Variants in WWC2 observed in about 807,000 individuals in gnomAD.
WWC2 encodes the protein protein WWC2.
A neutral mutation model predicts 138.5 loss-of-function variants in WWC2; 101 were observed. That is an observed-to-expected ratio of 0.73 (90% CI 0.62 to 0.86). The LOEUF (loss-of-function observed/expected upper bound fraction) is 0.86. WWC2 is among the 40% of genes least tolerant of loss of function. The pLI is 0.00. For missense variants in WWC2, 1,420 were observed against 1,419.4 expected, an observed-to-expected ratio of 1.00 and a Z score of -0.01; for synonymous variants, 558 against 538.4, an observed-to-expected ratio of 1.04 and a Z score of -0.50.
chr4:183,176,222 C>G (rs892645350), intron 1 of WWC2, among the ~76,000 whole-genome samples: 1 of 152,022 alleles, frequency 6.6e-6, no homozygotes, highest in Non-Finnish European at 1.5e-5. Context: ...AAAATTCAAT[C>G]GTATGTTTAA....
At position 183,296,933 on chromosome 4, in the gene WWC2, C is replaced by CAAAA. The variant is rs776211338; in HGVS notation, c.3384+7331_3384+7334dup. On this transcript the variant is annotated intron_variant, in intron 21 of 22. Transcript: ENST00000403733. ...TGGGCAACAGAGCGAGACTCCGTCT[C>CAAAA]AAAAAAAAAAAAAAAAAAAAAAAAA... Among the ~76,000 whole-genome samples, 24 of 70,756 alleles carry CAAAA rather than the reference C, an allele frequency of 3.4e-4. 2 individuals carry two copies. The highest frequency in any genetic ancestry group is 1.3e-3 in the African/African-American group (20 of 15,960). 46.4% of individuals were successfully genotyped at this position (70,756 alleles called of 152,430 possible).
intron 1 of WWC2, among the ~76,000 whole-genome samples, chr4:183,156,457 A>T (rs967863094): frequency 1.0e-4 from 15 of 150,664 alleles, no homozygotes; most frequent in Admixed American, 4.6e-4. Context: ...TCAGCCTCCC[A>T]AGTAGCTGGG....
chr4:183,252,482 A>T (rs1737010088), intron 8 of WWC2, among the ~76,000 whole-genome samples: 1 of 152,154 alleles, frequency 6.6e-6, no homozygotes, highest in South Asian at 2.1e-4. Flanking sequence ...TGTTAACTCT[A>T]CCATGTGTTA....
chr4:183,259,506 C>T (rs2111353847), intron 9 of WWC2, 133 bp from the exon 10 acceptor site: 3 of 686,886 alleles, frequency 4.4e-6, no homozygotes, highest in Non-Finnish European at 7.1e-6. Flanking sequence ...TGCCGGTGTC[C>T]TGTTTTCTGT....
Position 183,099,542 on chromosome 4 carries a change from G to A in WWC2, c.51G>A (p.Glu17=). 1 of 1,411,436 alleles carries A rather than the reference G, an allele frequency of 7.1e-7. No homozygotes were observed. The highest frequency in any genetic ancestry group is 9.4e-7 in the Non-Finnish European group (1 of 1,066,136). 87.4% of individuals were successfully genotyped at this position (1,411,436 alleles called of 1,614,324 possible). A position where few individuals can be genotyped will look rare whatever the true frequency, so the allele number is the denominator to read the frequency against. Residue 17 remains glutamate (E), a synonymous_variant, in exon 1 of 23, where the codon GAG becomes GAA. Coordinates refer to ENST00000403733, the MANE Select transcript of WWC2 (RefSeq NM_024949.6). The part of the protein sequence containing the change: ...SGQLPLPRGW[E]EARDYDGKVF... ...AGCTGCCGCTGCCCCGGGGCTGGGAGGAGGCCAGGGACTACGACGGCAAGG... is the reference window on the plus strand; with the variant it reads ...AGCTGCCGCTGCCCCGGGGCTGGGAAGAGGCCAGGGACTACGACGGCAAGG...
chr4:183,259,555 A>T (rs1490185156), intron 9 of WWC2, 84 bp from the exon 10 acceptor site: 1 of 1,071,242 alleles, frequency 9.3e-7, no homozygotes, highest in Non-Finnish European at 1.3e-6. Flanking sequence ...GTGATCTGTA[A>T]TGTTTGTACA....
chr4:183,122,564 C>T (rs1320344263), intron 1 of WWC2, among the ~76,000 whole-genome samples: 3 of 152,050 alleles, frequency 2.0e-5, no homozygotes, highest in African/African-American at 7.3e-5. Context: ...CTCTGTTGCC[C>T]AGGCTGGAGT....
intron 11 of WWC2, among the ~76,000 whole-genome samples, chr4:183,262,008 G>C (rs1300898297): frequency 1.3e-5 from 2 of 152,168 alleles, no homozygotes; most frequent in East Asian, 3.8e-4. Context: ...CTCCTTTTCT[G>C]GCGAAAAGTT....
intron 1 of WWC2, among the ~76,000 whole-genome samples, chr4:183,169,114 C>T (rs1734205238): frequency 6.6e-6 from 1 of 152,188 alleles, no homozygotes; most frequent in Non-Finnish European, 1.5e-5. Context: ...TCCCAAAGTG[C>T]CAGGATTGCA....
intron 1 of WWC2, among the ~76,000 whole-genome samples, chr4:183,157,246 C>G (rs1733831248): frequency 6.6e-6 from 1 of 152,078 alleles, no homozygotes; most frequent in African/African-American, 2.4e-5. Flanking sequence ...TAATTGGGTC[C>G]TCAATTCGTG....
In WWC2 at chr4:183,278,410, G is replaced by T. The variant is rs976367198; in HGVS notation, c.2563-2366G>T. Among the ~76,000 whole-genome samples, 111 of 152,242 alleles carry T rather than the reference G, an allele frequency of 7.3e-4. 4 individuals are homozygous for T. The South Asian group carries it at 0.023, about 31-fold the overall frequency. On this transcript the variant is annotated intron_variant, in intron 16 of 22. Coordinates refer to ENST00000403733, the MANE Select transcript of WWC2 (RefSeq NM_024949.6). ...GTAGTATAGTTTGAAGTCAGGTAGT[G>T]TGATGCCTCCAGCTTTGTTCTTTTG...
intron 1 of WWC2, among the ~76,000 whole-genome samples, chr4:183,156,986 A>T (rs1283361129): frequency 6.6e-6 from 1 of 152,132 alleles, no homozygotes; most frequent in East Asian, 1.9e-4. Context: ...TGCAGATATG[A>T]TACCCTTTAC....
At position 183,319,348 on chromosome 4, in the gene WWC2, A is replaced by C. The variant is rs1739553853; in HGVS notation, c.*3619A>C. On this transcript the variant is annotated 3_prime_UTR_variant, in exon 23 of 23. Coordinates refer to ENST00000403733, the MANE Select transcript of WWC2 (RefSeq NM_024949.6). ...AAACTCATCCACAGTAATGGGTGTC[A>C]TTACTATTCAGTCTTGATTGATTTT... 1.8e-6 allele frequency: 1 copy of C among 552,116 alleles called. No homozygotes were observed. Among genetic ancestry groups the C allele is most frequent in the African/African-American group, 1.9e-5 (1 of 53,772 alleles). 34.2% of individuals were successfully genotyped at this position (552,116 alleles called of 1,614,324 possible).
intron 2 of WWC2, among the ~76,000 whole-genome samples, chr4:183,200,941 T>G (rs1735278674): frequency 6.6e-6 from 1 of 152,228 alleles, no homozygotes; most frequent in South Asian, 2.1e-4. Context: ...AGATGAGGAT[T>G]ATTGGGAGTC....
At chr4:183,201,482 C>A (rs901149141) in intron 2 of WWC2, among the ~76,000 whole-genome samples, 3 of 152,160 alleles carry the variant, frequency 2.0e-5, no homozygotes, top group African/African-American at 7.2e-5. Flanking sequence ...CTTCTCTTGG[C>A]CTCAAAAGGA....
chr4:183,302,901 T>A (rs1266875806), intron 21 of WWC2, among the ~76,000 whole-genome samples: 1 of 151,926 alleles, frequency 6.6e-6, no homozygotes, highest in Non-Finnish European at 1.5e-5. Context: ...CCGTTTCTAC[T>A]AAAGATGTAA....
At chr4:183,199,233 G>A (rs956675181) in intron 2 of WWC2, among the ~76,000 whole-genome samples, 4 of 152,198 alleles carry the variant, frequency 2.6e-5, no homozygotes, top group Admixed American at 2.0e-4. Context: ...TGGTGTGACT[G>A]GGGTAACCGG....
chr4:183,243,893 T>C (rs1736692179), intron 5 of WWC2, among the ~76,000 whole-genome samples: 1 of 152,098 alleles, frequency 6.6e-6, no homozygotes, highest in Admixed American at 6.5e-5. Context: ...TTTAATTGCT[T>C]GTTCAGCAGC....
At chr4:183,187,747 C>G (rs1208307927) in intron 1 of WWC2, among the ~76,000 whole-genome samples, 1 of 150,768 alleles carries the variant, frequency 6.6e-6, no homozygotes, top group African/African-American at 2.4e-5. Context: ...GTAGCGCATA[C>G]CTGTAATCCT....
Sources: allele counts gnomAD v4.1 joint callset (sites outside exome capture counted in the v4.1 genomes callset), GRCh38; gene constraint gnomAD v4.1.1; transcripts MANE v1.5; gene names NCBI Gene and HGNC (gene_info 2026-07-23, HGNC 2026-07-21).